PTPRS: variants seen among roughly 807,000 people sequenced by gnomAD.
PTPRS encodes receptor-type tyrosine-protein phosphatase S.
A neutral mutation model predicts 215.3 loss-of-function variants in PTPRS; 63 were observed. That is an observed-to-expected ratio of 0.29 (90% confidence interval 0.24 to 0.36). The LOEUF is 0.36. PTPRS is among the 10% of genes least tolerant of loss of function. The pLI is 1.00. For missense variants in PTPRS, 2,258 were observed against 2,825.8 expected (o/e 0.80, Z 4.56); for synonymous variants, 1,404 against 1,191.4 (o/e 1.18, Z -3.68).
At chr19:5,229,393 A>C in intron 15 of PTPRS, 51 bp from the exon 16 acceptor site, 1 of 1,357,526 alleles carries the variant, frequency 7.4e-7, no homozygotes, top group East Asian at 2.9e-5. Flanking sequence ...TGAGCGGGGG[A>C]GGCCAGAGAT....
Position 5,240,241 on chromosome 19 carries a change from G to A in PTPRS, c.1662C>T (p.Ile554=). ...SWSPPRQESI[I]KYELLFREGD... is the part of the protein sequence containing the mutation. ...CTTCCCGGAAGAGGAGCTCGTACTT[G>A]ATGATACTCTCCTGCCGCGGGGGGC... is the stretch of plus-strand genomic sequence containing the variant. The change falls in exon 12 of 38, where the codon ATC becomes ATT. Residue 554 remains isoleucine (I), a synonymous_variant. Coordinates refer to ENST00000262963, the MANE Select transcript of PTPRS (RefSeq NM_002850.4). The A allele has an allele frequency of 2.5e-6, 4 of 1,573,796 alleles. No individual in the cohort carries two copies. The highest frequency in any genetic ancestry group is 1.9e-5 in the Admixed American group (1 of 53,256).
intron 2 of PTPRS, among the ~76,000 whole-genome samples, chr19:5,277,057 GTT>G (rs60512892): frequency 0.013 from 1,776 of 133,106 alleles, 19 homozygotes; most frequent in Middle Eastern, 0.034. Context: ...TGAGTTTTGT[GTT>G]TTTTTTTTTT....
intron 14 of PTPRS, 42 bp downstream of exon 14, chr19:5,231,268 C>G: frequency 6.4e-7 from 1 of 1,556,076 alleles, no homozygotes; most frequent in Non-Finnish European, 8.7e-7. Flanking sequence ...GGGGGCCGGG[C>G]TGGGGCCTGC....
rs374134882 is a variant in PTPRS at position 5,269,834 on chromosome 19, T to C, written c.379+3608A>G. On this transcript the variant is annotated intron_variant, in intron 4 of 37. Coordinates refer to ENST00000262963, the MANE Select transcript of PTPRS (RefSeq NM_002850.4). Reference sequence around the variant, plus strand: ...TACTCAGGAGGCTGAGCCAGGAGAATTGCCTGAACCCAGGAGGCGGAGGTT... The same window carrying C: ...TACTCAGGAGGCTGAGCCAGGAGAACTGCCTGAACCCAGGAGGCGGAGGTT... Among the ~76,000 whole-genome samples, 12 of 148,228 alleles carry C rather than the reference T, an allele frequency of 8.1e-5. No homozygotes were observed. The East Asian group carries it at 1.2e-3, about 15-fold the overall frequency.
chr19:5,231,285 TC>T, intron 14 of PTPRS, 24 bp downstream of exon 14: 1 of 1,573,110 alleles, frequency 6.4e-7, no homozygotes, highest in Non-Finnish European at 8.6e-7. Context: ...CTGCGGGGGG[TC>T]CCGGGCCTGG....
At chr19:5,318,496 TA>T (rs1216901771) in intron 1 of PTPRS, among the ~76,000 whole-genome samples, 1 of 152,180 alleles carries the variant, frequency 6.6e-6, no homozygotes, top group African/African-American at 2.4e-5. Flanking sequence ...CTCGACTCTC[TA>T]GGCCTCAGTT....
At chr19:5,314,682 C>T (rs1047322310) in intron 1 of PTPRS, among the ~76,000 whole-genome samples, 1 of 152,082 alleles carries the variant, frequency 6.6e-6, no homozygotes, top group African/African-American at 2.4e-5. Flanking sequence ...TGAATCACCA[C>T]ACCCAGCTGT....
At chr19:5,228,597 A>G (rs2042728807) in intron 16 of PTPRS, among the ~76,000 whole-genome samples, 1 of 151,794 alleles carries the variant, frequency 6.6e-6, no homozygotes, top group African/African-American at 2.4e-5. Flanking sequence ...ACCTGCCTCA[A>G]CCTCCCAAAG....
chr19:5,207,781 G>A (rs1056602171), intron 37 of PTPRS, 141 bp downstream of exon 37: 13 of 1,246,990 alleles, frequency 1.0e-5, no homozygotes, highest in South Asian at 1.4e-5. Context: ...CTTCCAGTGC[G>A]GGAGGGGTCT....
In PTPRS at chr19:5,251,313, C is replaced by G. The variant is rs545298037; in HGVS notation, c.718+4795G>C. Among the ~76,000 whole-genome samples the G allele has an allele frequency of 1.2e-4, 19 of 152,102 alleles. 3 individuals are homozygous for G. Among genetic ancestry groups the G allele is most frequent in the Admixed American group, 4.6e-4 (7 of 15,288 alleles). ...CCCCCACCGCCAGCTCCCTCCGCCA[C>G]TGAGGTAGCGTGCAAGGCCCGGAGG... On this transcript the variant is annotated intron_variant, in intron 9 of 37. Coordinates refer to ENST00000262963, the MANE Select transcript of PTPRS (RefSeq NM_002850.4).
intron 6 of PTPRS, 137 bp downstream of exon 6, chr19:5,262,827 C>A (rs910017722): frequency 2.2e-6 from 2 of 918,020 alleles, no homozygotes; most frequent in East Asian, 5.4e-5. Context: ...AGGGAGAGGG[C>A]GTTAGTAAAC....
intron 26 of PTPRS, 122 bp downstream of exon 26, chr19:5,216,598 G>A: frequency 1.2e-6 from 1 of 857,700 alleles, no homozygotes; most frequent in African/African-American, 1.7e-5. Context: ...CACAAGACAG[G>A]TGGGCAAAGG....
At position 5,222,676 on chromosome 19, in the gene PTPRS, G is replaced by T; in HGVS notation, c.3103+13C>A. On this transcript the variant is annotated intron_variant, in intron 18 of 37. Transcript: ENST00000262963. The stretch of plus-strand genomic sequence containing the variant: ...CCGGTCCGGCTCTGGTGCAGGGGTC[G>T]CCGCGCGCCTACCTTGGTCCCGCAG... The T allele has an allele frequency of 1.3e-6, 2 of 1,550,658 alleles. No homozygotes were observed. The highest frequency in any genetic ancestry group is 1.7e-6 in the Non-Finnish European group (2 of 1,155,710).
At chr19:5,296,631 G>A (rs762040819) in intron 1 of PTPRS, among the ~76,000 whole-genome samples, 13 of 151,742 alleles carry the variant, frequency 8.6e-5, no homozygotes, top group Admixed American at 2.0e-4. Flanking sequence ...CAAAGGCCCC[G>A]GGGCAGCACT....
At chr19:5,266,052 G>T (rs972406823) in intron 4 of PTPRS, among the ~76,000 whole-genome samples, 7 of 152,128 alleles carry the variant, frequency 4.6e-5, no homozygotes, top group Non-Finnish European at 1.0e-4. Context: ...TTAAGGCTAG[G>T]AGTTTAAGAC....
intron 2 of PTPRS, chr19:5,278,182 C>G: frequency 1.9e-5 from 1 of 52,564 alleles, no homozygotes; most frequent in Non-Finnish European, 3.6e-5. Context: ...GTAGAAACTG[C>G]CAAAAAAAAA....
chr19:5,229,909 C>CT (rs1471959877), intron 14 of PTPRS, among the ~76,000 whole-genome samples: 1 of 151,894 alleles, frequency 6.6e-6, no homozygotes, highest in Admixed American at 6.6e-5. Context: ...CAGGCTGCCC[C>CT]CCCCCGAGTC....
At chr19:5,300,944 C>T (rs1243222144) in intron 1 of PTPRS, among the ~76,000 whole-genome samples, 1 of 152,150 alleles carries the variant, frequency 6.6e-6, no homozygotes, top group Non-Finnish European at 1.5e-5. Flanking sequence ...CATCTGCAGC[C>T]ACAGTACCCT....
rs368566403 is a variant in PTPRS, at chr19:5,215,275, G to T, written c.4318+14C>A. On this transcript the variant is annotated intron_variant, in intron 28 of 37. Coordinates refer to ENST00000262963, the MANE Select transcript of PTPRS (RefSeq NM_002850.4). ...TGGGGAAGGGCAGGTTAAGACCCGG[G>T]ATCTCCGAACTACCTTCAATGGGCT... 1.7e-5 allele frequency: 27 copies of T among 1,613,206 alleles called. No homozygotes were observed. In the African/African-American group the frequency reaches 2.5e-4, roughly 15 times the overall value.
Sources: gnomAD v4.1 joint callset for allele counts (sites outside exome capture counted in the v4.1 genomes callset) on GRCh38, gnomAD v4.1.1 for gene constraint, MANE v1.5 for transcripts, NCBI Gene and HGNC (gene_info 2026-07-23, HGNC 2026-07-21) for gene names.